Variants in PLCZ1 observed in about 807,000 individuals in gnomAD.
The protein encoded by PLCZ1 is 1-phosphatidylinositol 4,5-bisphosphate phosphodiesterase zeta-1.
In PLCZ1, 64 loss-of-function variants were observed where a neutral mutation model predicts 76.8. The ratio of observed to expected loss-of-function variants is 0.83; its 90% CI spans 0.68 to 1.03. The LOEUF is 1.03. Ranked by LOEUF, PLCZ1 falls within the 50% of genes least tolerant of loss-of-function variation. PLCZ1 has a pLI of 0.00. For synonymous variants in PLCZ1, 248 were observed against 230.8 expected (o/e 1.07, Z -0.68); for missense variants, 751 against 713.7 (o/e 1.05, Z -0.60).
chr12:18,677,450 T>A, the PLCZ1 span, among the ~76,000 whole-genome samples: 1 of 152,068 alleles, frequency 6.6e-6, no homozygotes, highest in African/African-American at 2.4e-5. Context: ...CATAGAGGGC[T>A]GGTTAGAAGG....
chr12:18,720,896 A>C (rs1246521268), intron 4 of PLCZ1, among the ~76,000 whole-genome samples: 1 of 152,134 alleles, frequency 6.6e-6, no homozygotes, highest in Non-Finnish European at 1.5e-5. Context: ...TAGTGATGTA[A>C]GTAAATGTTA....
At chr12:18,732,888 G>A (rs1010876073) in intron 3 of PLCZ1, among the ~76,000 whole-genome samples, 1 of 152,136 alleles carries the variant, frequency 6.6e-6, no homozygotes, top group Admixed American at 6.5e-5. Context: ...TAGATTGCTT[G>A]CATATCTTGG....
At chr12:18,674,757 G>C in the PLCZ1 span, among the ~76,000 whole-genome samples, 1 of 152,160 alleles carries the variant, frequency 6.6e-6, no homozygotes, top group Admixed American at 6.6e-5. Context: ...TGAAAGTGAT[G>C]TTGTATGACT....
At chr12:18,652,805 A>C in the PLCZ1 span, among the ~76,000 whole-genome samples, 1 of 151,902 alleles carries the variant, frequency 6.6e-6, no homozygotes, top group African/African-American at 2.4e-5. Flanking sequence ...AGAAAGAATT[A>C]TTATGTCTCC....
intron 10 of PLCZ1, among the ~76,000 whole-genome samples, chr12:18,698,242 C>CTTCTTTTCTA (rs1555181446): frequency 1.4e-5 from 2 of 145,402 alleles, no homozygotes; most frequent in African/African-American, 2.6e-5. Flanking sequence ...ATACACTTTT[C>CTTCTTTTCTA]TTCTATTCTA....
the PLCZ1 span, among the ~76,000 whole-genome samples, chr12:18,672,767 C>G: frequency 6.6e-6 from 1 of 152,150 alleles, no homozygotes; most frequent in African/African-American, 2.4e-5. Flanking sequence ...TCCCTTCAAC[C>G]TCCTGGTAGG....
chr12:18,697,647 C>T (rs892293435), intron 10 of PLCZ1, among the ~76,000 whole-genome samples: 4 of 152,034 alleles, frequency 2.6e-5, no homozygotes, highest in Non-Finnish European at 5.9e-5. Context: ...AACTGATAAC[C>T]ACTGATAACT....
chr12:18,653,360 A>T, the PLCZ1 span, among the ~76,000 whole-genome samples: 1 of 152,164 alleles, frequency 6.6e-6, no homozygotes, highest in Non-Finnish European at 1.5e-5. Context: ...TGTAACACAA[A>T]TGTTACAAAT....
chr12:18,654,846 C>G, the PLCZ1 span, among the ~76,000 whole-genome samples: 74,744 of 151,846 alleles, frequency 0.49, 19,423 homozygotes, highest in East Asian at 0.85. Context: ...GTGGGACATT[C>G]TCAAGATAAA....
At chr12:18,653,443 C>G in the PLCZ1 span, among the ~76,000 whole-genome samples, 654 of 152,286 alleles carry the variant, frequency 4.3e-3, 5 homozygotes, top group Non-Finnish European at 6.6e-3. Flanking sequence ...CCAAGTCTCA[C>G]CTGCTAGGCC....
chr12:18,655,741 C>A, the PLCZ1 span, among the ~76,000 whole-genome samples: 7 of 78,790 alleles, frequency 8.9e-5, no homozygotes, highest in African/African-American at 1.8e-4. Flanking sequence ...ACAGCCCCAA[C>A]CTTATCATGA....
At chr12:18,723,639 G>A (rs1338818025) in intron 3 of PLCZ1, 97 bp from the exon 4 acceptor site, 1 of 937,076 alleles carries the variant, frequency 1.1e-6, no homozygotes, top group Non-Finnish European at 1.6e-6. Flanking sequence ...ATTTATACTT[G>A]AAAGAAGATG....
At chr12:18,727,869 A>C (rs148093102) in intron 3 of PLCZ1, among the ~76,000 whole-genome samples, 1 of 152,294 alleles carries the variant, frequency 6.6e-6, no homozygotes, top group African/African-American at 2.4e-5. Context: ...AAATGCAATC[A>C]GCTTCATTTC....
Position 18,695,741 on chromosome 12 carries a change from C to G in PLCZ1, c.1291+409G>C, listed in dbSNP as rs561604840. Among the ~76,000 whole-genome samples the G allele has an allele frequency of 3.3e-5, 5 of 152,182 alleles. No individual in the cohort carries two copies. In the South Asian group the frequency reaches 8.3e-4, roughly 25 times the overall value. On this transcript the variant is annotated intron_variant, in intron 11 of 14. Coordinates refer to ENST00000266505, the MANE Select transcript of PLCZ1 (RefSeq NM_033123.4). ...GGTGAGGGCAAATAACCAAGTTAGG[C>G]AATCTTATTCACTTTTCAAAACTAT...
At chr12:18,685,807 T>C (rs900427922) in intron 13 of PLCZ1, 2 of 331,348 alleles carry the variant, frequency 6.0e-6, no homozygotes, top group African/African-American at 4.4e-5. Flanking sequence ...CTCCCTTCCA[T>C]CCTCCTCCTG....
the PLCZ1 span, among the ~76,000 whole-genome samples, chr12:18,650,666 G>A: frequency 0.34 from 7,797 of 23,192 alleles, 556 homozygotes; most frequent in African/African-American, 0.43. Flanking sequence ...GAATATAAAT[G>A]TGTGTGTGTG....
intron 4 of PLCZ1, among the ~76,000 whole-genome samples, chr12:18,721,994 C>T (rs1427564224): frequency 6.6e-6 from 1 of 152,040 alleles, no homozygotes; most frequent in Non-Finnish European, 1.5e-5. Flanking sequence ...TCATCTCTCT[C>T]TCATTCTCAA....
intron 6 of PLCZ1, among the ~76,000 whole-genome samples, chr12:18,712,025 T>C (rs1255307268): frequency 2.6e-5 from 4 of 152,190 alleles, no homozygotes; most frequent in African/African-American, 7.2e-5. Flanking sequence ...GTTGACAGAT[T>C]ATGTAATGTA....
chr12:18,729,725 CTTT>C (rs1356953652), intron 3 of PLCZ1, among the ~76,000 whole-genome samples: 3 of 151,890 alleles, frequency 2.0e-5, no homozygotes, highest in Admixed American at 6.6e-5. Flanking sequence ...AAGCAATAGG[CTTT>C]TTTAGTAAAG....
Sources: gnomAD v4.1 joint callset for allele counts (sites outside exome capture counted in the v4.1 genomes callset) on GRCh38, gnomAD v4.1.1 for gene constraint, MANE v1.5 for transcripts, NCBI Gene and HGNC (gene_info 2026-07-23, HGNC 2026-07-21) for gene names.